SOX5: variants seen among roughly 807,000 people sequenced by gnomAD.
The protein encoded by SOX5 is transcription factor SOX-5.
A neutral mutation model predicts 92.0 loss-of-function variants in SOX5; 9 were observed. That is an observed-to-expected ratio of 0.10 (90% CI 0.06 to 0.17). The LOEUF is 0.17. Ranked by LOEUF, SOX5 falls within the 10% of genes least tolerant of loss-of-function variation. The pLI, the probability that SOX5 is intolerant of heterozygous loss-of-function variation, is 1.00. For synonymous variants in SOX5, 344 were observed against 336.3 expected (o/e 1.02, Z -0.25); for missense variants, 642 against 944.5 (o/e 0.68, Z 4.20).
At position 23,534,251 on chromosome 12, in the gene SOX5, T is replaced by G. The variant is rs748479886; in HGVS notation, c.2260A>C (p.Ser754Arg). 3.7e-6 allele frequency: 6 copies of G among 1,614,060 alleles called. No homozygotes were observed. In the East Asian group the frequency reaches 1.3e-4, roughly 36 times the overall value. Residue 754 changes from serine to arginine, a missense_variant, in exon 15 of 15, where the codon AGT becomes CGT. Ser to Arg is a moderately radical substitution (Grantham distance 110, BLOSUM62 -1). Transcript: ENST00000451604. ...GCTTGTCCTGCAATATGGTTTTCAC[T>G]GTCACTCCCATAATCTACATCTGGA... ...DDPDVDYGSD[S>R]ENHIAGQAN
chr12:24,362,367 T>G (rs540793251), intron 2 of SOX5, among the ~76,000 whole-genome samples: 1 of 152,314 alleles, frequency 6.6e-6, no homozygotes, highest in Non-Finnish European at 1.5e-5. Context: ...TGCTAAGATT[T>G]AGTCCTTTTG....
At chr12:23,572,302 C>T (rs958095483) in intron 10 of SOX5, among the ~76,000 whole-genome samples, 3 of 152,144 alleles carry the variant, frequency 2.0e-5, no homozygotes, top group Non-Finnish European at 4.4e-5. Context: ...CTTTACAACA[C>T]CATTAATCCT....
intron 4 of SOX5, among the ~76,000 whole-genome samples, chr12:24,006,622 T>G (rs1018472975): frequency 6.6e-6 from 1 of 152,116 alleles, no homozygotes; most frequent in Non-Finnish European, 1.5e-5. Flanking sequence ...CTTCCAGGAT[T>G]GGGTAGACAA....
chr12:24,068,855 C>T (rs1941328864), intron 4 of SOX5, among the ~76,000 whole-genome samples: 1 of 149,846 alleles, frequency 6.7e-6, no homozygotes, highest in Non-Finnish European at 1.5e-5. Context: ...CTTCAAGGAC[C>T]CTAAAAGTGC....
intron 1 of SOX5, among the ~76,000 whole-genome samples, chr12:23,940,057 CTT>C (rs1396646291): frequency 6.6e-6 from 1 of 151,038 alleles, no homozygotes; most frequent in Admixed American, 6.6e-5. Flanking sequence ...TTTTTCTTTT[CTT>C]TTATCCTTAT....
intron 6 of SOX5, among the ~76,000 whole-genome samples, chr12:23,702,702 G>A (rs1486989118): frequency 6.6e-6 from 1 of 151,954 alleles, no homozygotes; most frequent in East Asian, 1.9e-4. Context: ...AATACCACCA[G>A]TGAGCTAATC....
At chr12:24,076,991 A>G (rs1332806299) in intron 4 of SOX5, among the ~76,000 whole-genome samples, 1 of 152,190 alleles carries the variant, frequency 6.6e-6, no homozygotes, top group Non-Finnish European at 1.5e-5. Context: ...CCTTCAAGTC[A>G]TGGTAACAAC....
At chr12:23,940,619 A>T (rs1943441769) in intron 1 of SOX5, among the ~76,000 whole-genome samples, 1 of 151,308 alleles carries the variant, frequency 6.6e-6, no homozygotes, top group Admixed American at 6.6e-5. Context: ...AGAACTTGAG[A>T]TCTTAACATC....
intron 1 of SOX5, among the ~76,000 whole-genome samples, chr12:24,517,804 G>A (rs1315466964): frequency 1.3e-5 from 2 of 151,186 alleles, no homozygotes; most frequent in Non-Finnish European, 2.9e-5. Flanking sequence ...ATTAAAAGCT[G>A]TCCTTGTATC....
intron 1 of SOX5, among the ~76,000 whole-genome samples, chr12:24,531,960 T>A (rs777993249): frequency 6.6e-6 from 1 of 152,154 alleles, no homozygotes. Flanking sequence ...AAAATTAGCA[T>A]GAGGACTTTT....
At chr12:23,865,951 G>A (rs1038258927) in intron 2 of SOX5, among the ~76,000 whole-genome samples, 2 of 152,132 alleles carry the variant, frequency 1.3e-5, no homozygotes, top group Non-Finnish European at 2.9e-5. Context: ...CAAGAAAACT[G>A]GAATCAGAAG....
chr12:23,670,196 A>C (rs916803042), intron 6 of SOX5, among the ~76,000 whole-genome samples: 9 of 152,226 alleles, frequency 5.9e-5, no homozygotes, highest in African/African-American at 1.7e-4. Flanking sequence ...AGTATTCTAG[A>C]GACAAAAATA....
At chr12:23,935,328 A>T (rs1016371982) in intron 1 of SOX5, among the ~76,000 whole-genome samples, 6 of 151,138 alleles carry the variant, frequency 4.0e-5, no homozygotes, top group African/African-American at 1.5e-4. Context: ...TTCATCATCA[A>T]CTTTTCTAAA....
In SOX5 at chr12:24,049,638, GTTTTTTTTTTTTTTTT is replaced by G. The variant is rs527647441; in HGVS notation, c.-1-153630_-1-153615del. 5.4e-3 allele frequency among the ~76,000 whole-genome samples: 402 copies of G among 73,798 alleles called. 4 individuals are homozygous for G. Among genetic ancestry groups the G allele is most frequent in the Middle Eastern group, 0.03 (3 of 100 alleles). The allele number at this position is 73,798 out of a possible 152,430, so 48.4% of individuals were successfully genotyped here. A position where few individuals can be genotyped will look rare whatever the true frequency, so the allele number is the denominator to read the frequency against. On this transcript the variant is annotated intron_variant, in intron 4 of 4. Transcript: ENST00000446891. ...TGTTGATATTTTCCAATCCTTCATA[GTTTTTTTTTTTTTTTT>G]TTTTTTTTTTTTTTTTTTGGAGGTA...
intron 4 of SOX5, among the ~76,000 whole-genome samples, chr12:24,081,765 C>A (rs1021409501): frequency 6.6e-6 from 1 of 151,850 alleles, no homozygotes; most frequent in African/African-American, 2.4e-5. Flanking sequence ...TCTACTGTAC[C>A]GAATTGAGGT....
At chr12:24,195,075 C>T (rs368598136) in intron 4 of SOX5, among the ~76,000 whole-genome samples, 3 of 150,990 alleles carry the variant, frequency 2.0e-5, no homozygotes, top group East Asian at 1.9e-4. Context: ...AATAATTAAG[C>T]GATTCTTTTC....
Position 24,382,671 on chromosome 12 carries a change from T to A in SOX5, c.-250-14032A>T, listed in dbSNP as rs867932711. Among the ~76,000 whole-genome samples, 5 of 152,170 alleles carry A rather than the reference T, an allele frequency of 3.3e-5. No individual in the cohort carries two copies. In the South Asian group the frequency reaches 1.0e-3, roughly 32 times the overall value. ...GAGGAGAAGTCCAGTTAGGAGCCTA[T>A]AGCCACAATGAGAAATGATGGTGGC... On this transcript the variant is annotated intron_variant, in intron 1 of 4. Transcript: ENST00000446891.
intron 4 of SOX5, among the ~76,000 whole-genome samples, chr12:24,170,815 G>A (rs1024232886): frequency 4.6e-5 from 7 of 152,132 alleles, no homozygotes; most frequent in Non-Finnish European, 1.0e-4. Flanking sequence ...AGAATATTGC[G>A]GTGCCACTAA....
chr12:24,516,043 CTTT>C (rs375642823), intron 1 of SOX5, among the ~76,000 whole-genome samples: 5 of 138,758 alleles, frequency 3.6e-5, no homozygotes, highest in Non-Finnish European at 6.3e-5. Context: ...TTTTCTTTTC[CTTT>C]TTTTTTTTTT....
Sources: allele counts gnomAD v4.1 joint callset (sites outside exome capture counted in the v4.1 genomes callset), GRCh38; gene constraint gnomAD v4.1.1; transcripts MANE v1.5; gene names NCBI Gene and HGNC (gene_info 2026-07-23, HGNC 2026-07-21).